Variants in ESRRG observed in about 807,000 individuals in gnomAD.
ESRRG encodes the protein estrogen-related receptor gamma.
ESRRG carries 13 observed loss-of-function variants against 44.0 expected under a neutral mutation model. The ratio of observed to expected loss-of-function variants is 0.30; its 90% confidence interval spans 0.19 to 0.47. The LOEUF (loss-of-function observed/expected upper bound fraction) is 0.47, where lower values mean the gene tolerates loss of function less well. Among genes scored for constraint, ESRRG ranks in the 20% least tolerant of loss-of-function variants. The pLI, the probability that ESRRG is intolerant of heterozygous loss-of-function variation, is 1.00. For missense variants in ESRRG, 395 were observed against 580.6 expected, an observed-to-expected ratio of 0.68 and a Z score of 3.29; for synonymous variants, 215 against 214.6, an observed-to-expected ratio of 1.00 and a Z score of -0.02.
intron 1 of ESRRG, among the ~76,000 whole-genome samples, chr1:216,981,733 A>G (rs1173706506): frequency 1.1e-4 from 16 of 152,090 alleles, no homozygotes; most frequent in Admixed American, 9.8e-4. Context: ...ACACATACGC[A>G]CGCACACACA....
intron 1 of ESRRG, among the ~76,000 whole-genome samples, chr1:217,136,728 T>C (rs1385311454): frequency 6.6e-6 from 1 of 152,098 alleles, no homozygotes; most frequent in Non-Finnish European, 1.5e-5. Context: ...ATTGGCTCAG[T>C]AGGATTTTCA....
At chr1:216,859,719 G>A (rs550901308) in intron 2 of ESRRG, among the ~76,000 whole-genome samples, 147 of 152,260 alleles carry the variant, frequency 9.7e-4, no homozygotes, top group Non-Finnish European at 1.7e-3. Context: ...CCCTGTTCCA[G>A]TCTACCTAAC....
chr1:216,691,610 T>C (rs557941533), intron 1 of ESRRG, among the ~76,000 whole-genome samples: 158 of 152,326 alleles, frequency 1.0e-3, no homozygotes, highest in African/African-American at 3.2e-3. Context: ...ATTCATGTTT[T>C]CCTGAAAAGG....
At chr1:216,874,607 T>C (rs1237495567) in intron 2 of ESRRG, among the ~76,000 whole-genome samples, 1 of 152,170 alleles carries the variant, frequency 6.6e-6, no homozygotes, top group African/African-American at 2.4e-5. Flanking sequence ...CCCTTTATAG[T>C]TTTATCATTT....
intron 1 of ESRRG, among the ~76,000 whole-genome samples, chr1:217,067,181 G>A (rs954186026): frequency 6.6e-6 from 1 of 152,160 alleles, no homozygotes; most frequent in Admixed American, 6.5e-5. Flanking sequence ...CATAAGAATT[G>A]ATCCTTTATC....
At chr1:216,698,081 A>C (rs1209730827) in intron 1 of ESRRG, among the ~76,000 whole-genome samples, 1 of 152,168 alleles carries the variant, frequency 6.6e-6, no homozygotes, top group African/African-American at 2.4e-5. Context: ...GAAGGGAATT[A>C]GACATGGCAG....
chr1:216,880,333 A>AAAAAAAAAAAAAAAAAAC (rs2096426231), intron 2 of ESRRG, among the ~76,000 whole-genome samples: 1 of 149,386 alleles, frequency 6.7e-6, no homozygotes, highest in Non-Finnish European at 1.5e-5. Flanking sequence ...AAAAAAAAAA[A>AAAAAAAAAAAAAAAAAAC]AGTTTTCATG....
chr1:217,137,076 G>A (rs2093060189), intron 1 of ESRRG, among the ~76,000 whole-genome samples: 1 of 152,160 alleles, frequency 6.6e-6, no homozygotes, highest in Non-Finnish European at 1.5e-5. Flanking sequence ...GGGGGGGAGG[G>A]AGCCGGAGGA....
chr1:216,874,005 G>A (rs1324520717), intron 2 of ESRRG, among the ~76,000 whole-genome samples: 5 of 122,490 alleles, frequency 4.1e-5, no homozygotes, highest in Non-Finnish European at 8.7e-5. Context: ...GGGAGGGAGG[G>A]AGTGGGTTGG....
At chr1:217,042,086 G>A (rs938392338) in intron 1 of ESRRG, among the ~76,000 whole-genome samples, 2 of 152,098 alleles carry the variant, frequency 1.3e-5, no homozygotes, top group African/African-American at 4.8e-5. Context: ...ACTCTAATAG[G>A]TGGGCTTGCT....
intron 3 of ESRRG, among the ~76,000 whole-genome samples, chr1:216,578,497 A>G (rs2062101103): frequency 6.6e-6 from 1 of 152,108 alleles, no homozygotes; most frequent in Non-Finnish European, 1.5e-5. Flanking sequence ...GTGGAGTCTA[A>G]TGACTCAATT....
At chr1:216,885,955 G>C (rs1312111719) in intron 2 of ESRRG, among the ~76,000 whole-genome samples, 1 of 151,640 alleles carries the variant, frequency 6.6e-6, no homozygotes, top group Non-Finnish European at 1.5e-5. Context: ...AGAACCTCTA[G>C]CCTGTAACCA....
chr1:216,719,105 G>A (rs2152046114), intron 1 of ESRRG, among the ~76,000 whole-genome samples: 1 of 152,084 alleles, frequency 6.6e-6, no homozygotes, highest in South Asian at 2.1e-4. Flanking sequence ...TAAAACAAAT[G>A]TTGAGGAATT....
At chr1:216,585,901 G>A (rs1205773346) in intron 3 of ESRRG, among the ~76,000 whole-genome samples, 1 of 152,058 alleles carries the variant, frequency 6.6e-6, no homozygotes, top group African/African-American at 2.4e-5. Flanking sequence ...TTAGCCAGGC[G>A]TGGTTGTGGG....
At chr1:216,764,758 A>G (rs2092989135) in intron 2 of ESRRG, among the ~76,000 whole-genome samples, 1 of 152,184 alleles carries the variant, frequency 6.6e-6, no homozygotes, top group Non-Finnish European at 1.5e-5. Flanking sequence ...CAGATGGCTC[A>G]TTTAACCTCT....
At chr1:216,998,922 C>T (rs944723572) in intron 1 of ESRRG, among the ~76,000 whole-genome samples, 1 of 152,180 alleles carries the variant, frequency 6.6e-6, no homozygotes, top group South Asian at 2.1e-4. Context: ...TGGACATTCA[C>T]ATTTGCGTGG....
At chr1:216,872,323 T>C (rs1044487855) in intron 2 of ESRRG, among the ~76,000 whole-genome samples, 1 of 152,160 alleles carries the variant, frequency 6.6e-6, no homozygotes, top group African/African-American at 2.4e-5. Context: ...CCTGAATCTA[T>C]GGGTTATTTT....
intron 5 of ESRRG, among the ~76,000 whole-genome samples, chr1:216,538,341 C>G (rs1019967873): frequency 3.9e-5 from 6 of 151,912 alleles, no homozygotes; most frequent in Admixed American, 2.0e-4. Context: ...ATTGAAAAAT[C>G]AACAACTGGT....
At chr1:216,975,656 C>T (rs552508231) in intron 1 of ESRRG, among the ~76,000 whole-genome samples, 1 of 152,198 alleles carries the variant, frequency 6.6e-6, no homozygotes, top group African/African-American at 2.4e-5. Context: ...ATATAGTCTG[C>T]ATCTCTACTT....
Sources: gnomAD v4.1 joint callset for allele counts (sites outside exome capture counted in the v4.1 genomes callset) on GRCh38, gnomAD v4.1.1 for gene constraint, MANE v1.5 for transcripts, NCBI Gene and HGNC (gene_info 2026-07-23, HGNC 2026-07-21) for gene names.